The following CDH23 variants were observed in gnomAD, a reference collection of about 807,000 sequenced individuals.
CDH23 encodes cadherin related 23.
Under a neutral mutation model 317.1 loss-of-function variants are expected in CDH23, and 189 were observed. The ratio of observed to expected loss-of-function variants is 0.60; its 90% CI spans 0.53 to 0.67. The LOEUF (loss-of-function observed/expected upper bound fraction) is 0.67, where lower values mean the gene tolerates loss of function less well. Among genes scored for constraint, CDH23 ranks in the 30% least tolerant of loss-of-function variants. The probability of loss-of-function intolerance (pLI) is 0.00; values close to 1 mark genes in which losing one functional copy is unlikely to be tolerated. For synonymous variants in CDH23, 1,839 were observed against 1,876.8 expected (o/e 0.98, Z 0.52); for missense variants, 4,401 against 4,592.4 (o/e 0.96, Z 1.20).
At chr10:71,809,734 C>A in intron 60 of CDH23, 86 bp from the exon 61 acceptor site, 1 of 1,539,638 alleles carries the variant, frequency 6.5e-7, no homozygotes, top group South Asian at 1.2e-5. Context: ...CCTAGATGTG[C>A]CCACCTACCC....
intron 7 of CDH23, among the ~76,000 whole-genome samples, chr10:71,569,429 C>G (rs1218194262): frequency 6.6e-6 from 1 of 152,194 alleles, no homozygotes; most frequent in Non-Finnish European, 1.5e-5. Flanking sequence ...AGTCGCTCCT[C>G]AAATCTTAGC....
At chr10:71,591,675 C>T (rs1859502674) in intron 9 of CDH23, among the ~76,000 whole-genome samples, 1 of 152,168 alleles carries the variant, frequency 6.6e-6, no homozygotes, top group Non-Finnish European at 1.5e-5. Flanking sequence ...AATTGGGAGG[C>T]TGGCATCCAC....
intron 6 of CDH23, among the ~76,000 whole-genome samples, chr10:71,524,468 C>CA (rs1379807503): frequency 1.3e-5 from 2 of 152,164 alleles, no homozygotes; most frequent in East Asian, 3.9e-4. Context: ...CCTCGTCAGT[C>CA]AAAGGCAGCT....
intron 6 of CDH23, among the ~76,000 whole-genome samples, chr10:71,549,651 C>T (rs1221260173): frequency 1.3e-5 from 2 of 152,224 alleles, no homozygotes; most frequent in Non-Finnish European, 2.9e-5. Context: ...CTGGCACTGC[C>T]TGCCCTGAGT....
At chr10:71,655,378 G>A (rs773015086) in intron 14 of CDH23, among the ~76,000 whole-genome samples, 21 of 152,148 alleles carry the variant, frequency 1.4e-4, no homozygotes, top group African/African-American at 3.6e-4. Flanking sequence ...TTGCCACGGC[G>A]TCTTTACTTG....
chr10:71,774,049 GCGCACACACACACACACACA>G (rs752749386), intron 38 of CDH23, among the ~76,000 whole-genome samples: 1 of 145,490 alleles, frequency 6.9e-6, no homozygotes, highest in African/African-American at 2.6e-5. Context: ...GCATGCGCGC[GCGCACACACACACACACACA>G]CACACACACA....
At chr10:71,416,283 C>A (rs1848529997) in intron 1 of CDH23, among the ~76,000 whole-genome samples, 1 of 152,178 alleles carries the variant, frequency 6.6e-6, no homozygotes, top group South Asian at 2.1e-4. Context: ...CCTTGGCCTC[C>A]TGAAGTGCTG....
chr10:71,413,290 A>G (rs1848412118), intron 1 of CDH23, among the ~76,000 whole-genome samples: 1 of 152,150 alleles, frequency 6.6e-6, no homozygotes, highest in East Asian at 1.9e-4. Flanking sequence ...TTGTTTGTTT[A>G]TGTGACAGTT....
chr10:71,607,985 C>CCA (rs1186949714), intron 9 of CDH23, among the ~76,000 whole-genome samples: 2 of 152,216 alleles, frequency 1.3e-5, no homozygotes, highest in East Asian at 3.8e-4. Flanking sequence ...ATGTCAGGCA[C>CCA]CACAATAAGT....
In CDH23 at chr10:71,702,648, T is replaced by A. The variant is rs896504468; in HGVS notation, c.2687T>A (p.Val896Glu). 1.9e-6 allele frequency: 3 copies of A among 1,613,970 alleles called. No individual in the cohort carries two copies. Among genetic ancestry groups the A allele is most frequent in the Non-Finnish European group, 2.5e-6 (3 of 1,179,886 alleles). Reference sequence around the variant, plus strand: ...CCCACCTTTCAGAACCTGCCTTTTGTGGCCGAGGTGCTTGAAGGCATCCCG... The same window carrying A: ...CCCACCTTTCAGAACCTGCCTTTTGAGGCCGAGGTGCTTGAAGGCATCCCG... ...NDPTFQNLPF[V>E]AEVLEGIPAG... Residue 896 changes from valine (V) to glutamate (E), a missense_variant, in exon 24 of 70, where the codon GTG (valine) becomes GAG (glutamate). By Grantham distance (121) the Val-to-Glu change is moderately radical. Around this residue, in one of 3 missense-constraint regions of CDH23, gnomAD observed 3,068 missense variants for 3,203.3 expected, o/e 0.96. Coordinates refer to ENST00000224721, the MANE Select transcript of CDH23 (RefSeq NM_022124.6).
At chr10:71,698,999 T>C (rs1349612678) in intron 22 of CDH23, among the ~76,000 whole-genome samples, 1 of 152,182 alleles carries the variant, frequency 6.6e-6, no homozygotes, top group Non-Finnish European at 1.5e-5. Context: ...CCGATAGAAC[T>C]GTGATCAGCG....
At chr10:71,451,354 C>G (rs1850435369) in intron 3 of CDH23, among the ~76,000 whole-genome samples, 1 of 152,200 alleles carries the variant, frequency 6.6e-6, no homozygotes, top group African/African-American at 2.4e-5. Flanking sequence ...TCAAGTCTCT[C>G]CCTCCCACAC....
chr10:71,457,258 A>G (rs1323548633), intron 3 of CDH23, among the ~76,000 whole-genome samples: 1 of 152,196 alleles, frequency 6.6e-6, no homozygotes, highest in Middle Eastern at 3.2e-3. Flanking sequence ...AATGAAAATA[A>G]CAATAGTAAT....
intron 38 of CDH23, among the ~76,000 whole-genome samples, chr10:71,744,375 C>A (rs1839806473): frequency 1.3e-5 from 2 of 152,156 alleles, no homozygotes; most frequent in South Asian, 4.1e-4. Flanking sequence ...TAAGACCCTG[C>A]AGTTTGTAGG....
chr10:71,554,928 A>G (rs1156839761), intron 6 of CDH23, among the ~76,000 whole-genome samples: 1 of 152,166 alleles, frequency 6.6e-6, no homozygotes, highest in African/African-American at 2.4e-5. Context: ...GAGCAGCTGG[A>G]CTGTGACCCA....
At chr10:71,666,587 T>C (rs12783985) in intron 14 of CDH23, among the ~76,000 whole-genome samples, 26,756 of 152,042 alleles carry the variant, frequency 0.18, 2,408 homozygotes, top group South Asian at 0.2. Context: ...GAGGGGAAAA[T>C]CAAGGCTCCA....
intron 6 of CDH23, among the ~76,000 whole-genome samples, chr10:71,537,795 A>G (rs982733066): frequency 1.3e-5 from 2 of 152,224 alleles, no homozygotes; most frequent in African/African-American, 4.8e-5. Flanking sequence ...AACTGAGTCA[A>G]ACATCACTTC....
At chr10:71,557,737 T>C (rs1232883102) in intron 6 of CDH23, among the ~76,000 whole-genome samples, 1 of 152,234 alleles carries the variant, frequency 6.6e-6, no homozygotes, top group Non-Finnish European at 1.5e-5. Flanking sequence ...CAGCCTATAG[T>C]GTCACTGTTA....
At chr10:71,547,415 T>G (rs1856342602) in intron 6 of CDH23, among the ~76,000 whole-genome samples, 2 of 151,312 alleles carry the variant, frequency 1.3e-5, no homozygotes, top group Admixed American at 6.6e-5. Flanking sequence ...AGGCGAGGAG[T>G]CAGTGAAGCC....
Sources: allele counts gnomAD v4.1 joint callset (sites outside exome capture counted in the v4.1 genomes callset), GRCh38; gene constraint gnomAD v4.1.1; regional missense constraint gnomAD v4.1.1; transcripts MANE v1.5; gene names NCBI Gene and HGNC (gene_info 2026-07-23, HGNC 2026-07-21).